The following COL25A1 variants were observed in gnomAD, a reference collection of about 807,000 sequenced individuals.
COL25A1 encodes the protein collagen type XXV alpha 1 chain, also known as collagen alpha-1(XXV) chain.
In COL25A1, 103 loss-of-function variants were observed where a neutral mutation model predicts 128.4. That is an observed-to-expected ratio of 0.80 (90% CI 0.68 to 0.94). The LOEUF (loss-of-function observed/expected upper bound fraction) is 0.94, where lower values mean the gene tolerates loss of function less well. Ranked by LOEUF, COL25A1 falls within the 40% of genes least tolerant of loss-of-function variation. COL25A1 has a pLI of 0.00. For synonymous variants in COL25A1, 279 were observed against 277.2 expected (o/e 1.01, Z -0.06); for missense variants, 745 against 840.0 (o/e 0.89, Z 1.40).
intron 3 of COL25A1, among the ~76,000 whole-genome samples, chr4:109,099,629 AAAAG>A (rs1765713022): frequency 6.6e-6 from 1 of 151,546 alleles, no homozygotes; most frequent in South Asian, 2.1e-4. Flanking sequence ...TATAAAAAAA[AAAAG>A]AAAAATAAAT....
rs189477395 is a variant in COL25A1 at position 109,193,140 on chromosome 4, G to A, written c.367+107443C>T. Among the ~76,000 whole-genome samples the A allele has an allele frequency of 1.3e-3, 199 of 152,262 alleles. 2 individuals carry two copies. The highest frequency in any genetic ancestry group is 2.1e-4 in the Non-Finnish European group (14 of 68,022). On this transcript the variant is annotated intron_variant, in intron 3 of 37. Coordinates refer to ENST00000399132, the MANE Select transcript of COL25A1 (RefSeq NM_198721.4). ...ATGGACAGATGTAAGCAATTTAGAAGAGGATTAATTCAAAGCAATCGGCTA... is the reference window on the plus strand; with the variant it reads ...ATGGACAGATGTAAGCAATTTAGAAAAGGATTAATTCAAAGCAATCGGCTA...
intron 8 of COL25A1, chr4:108,942,374 G>A (rs776801895): frequency 4.6e-5 from 46 of 994,306 alleles, no homozygotes; most frequent in Admixed American, 1.1e-4. Flanking sequence ...CCCTTTCCTG[G>A]GACTTAGAAG....
chr4:108,838,856 GC>G (rs151228147), intron 31 of COL25A1, among the ~76,000 whole-genome samples: 1,648 of 152,216 alleles, frequency 0.011, 31 homozygotes, highest in African/African-American at 0.038. Context: ...CATTATAAAA[GC>G]CACGGTAAAT....
At chr4:109,201,051 A>G (rs1776519020) in intron 3 of COL25A1, among the ~76,000 whole-genome samples, 1 of 152,168 alleles carries the variant, frequency 6.6e-6, no homozygotes, top group Admixed American at 6.5e-5. Context: ...TTCTTCATTG[A>G]TATTCTCAAC....
chr4:109,271,900 C>A (rs779462857), intron 3 of COL25A1, among the ~76,000 whole-genome samples: 35 of 152,086 alleles, frequency 2.3e-4, no homozygotes, highest in Non-Finnish European at 5.0e-4. Context: ...TCAGTAAATT[C>A]TCATTCAACT....
At chr4:108,900,794 A>C (rs1742744262) in intron 14 of COL25A1, among the ~76,000 whole-genome samples, 1 of 152,114 alleles carries the variant, frequency 6.6e-6, no homozygotes, top group South Asian at 2.1e-4. Context: ...TATGGACATG[A>C]CCTATGTTTT....
chr4:108,863,185 G>A (rs1363180219), intron 21 of COL25A1, 134 bp downstream of exon 21: 2 of 817,376 alleles, frequency 2.4e-6, no homozygotes, highest in Non-Finnish European at 2.0e-6. Flanking sequence ...AAAAGAACCA[G>A]TTGGTGTGCA....
At chr4:108,941,981 T>A (rs1267223436) in intron 8 of COL25A1, among the ~76,000 whole-genome samples, 2 of 152,210 alleles carry the variant, frequency 1.3e-5, no homozygotes, top group African/African-American at 4.8e-5. Context: ...TATGCCCACC[T>A]CTGTTCACAG....
chr4:108,839,178 C>T (rs974828510), intron 31 of COL25A1, among the ~76,000 whole-genome samples: 2 of 152,096 alleles, frequency 1.3e-5, no homozygotes, highest in African/African-American at 4.8e-5. Context: ...GCTTGTTAAA[C>T]ATAAAGAGTT....
At chr4:109,136,148 A>G (rs1350908729) in intron 3 of COL25A1, among the ~76,000 whole-genome samples, 8 of 152,184 alleles carry the variant, frequency 5.3e-5, no homozygotes, top group Admixed American at 5.2e-4. Flanking sequence ...CTGTAATCCT[A>G]GCACTTTGGG....
In COL25A1 at chr4:109,239,394, G is replaced by GTA. The variant is rs144842941; in HGVS notation, c.367+61187_367+61188dup. Among the ~76,000 whole-genome samples, 425 of 116,510 alleles carry GTA rather than the reference G, an allele frequency of 3.6e-3. 1 individual carries two copies. The highest frequency in any genetic ancestry group is 0.013 in the Middle Eastern group (3 of 230). 76.4% of individuals were successfully genotyped at this position (116,510 alleles called of 152,430 possible). ...TGTGTGTATGTGTGTGTGTGTGTGT[G>GTA]TATATATATATATATATATATATAT... On this transcript the variant is annotated intron_variant, in intron 3 of 37. Transcript: ENST00000399132.
chr4:109,017,945 T>C (rs1166484030), intron 5 of COL25A1, among the ~76,000 whole-genome samples: 4 of 152,232 alleles, frequency 2.6e-5, no homozygotes, highest in Non-Finnish European at 5.9e-5. Context: ...TCTTGAATTG[T>C]TGGATTCCTT....
chr4:109,156,991 A>G (rs1224275676), intron 3 of COL25A1, among the ~76,000 whole-genome samples: 1 of 152,156 alleles, frequency 6.6e-6, no homozygotes, highest in Non-Finnish European at 1.5e-5. Flanking sequence ...TTCATTTTCA[A>G]CCTCAGCTTG....
At chr4:109,244,944 C>T (rs1780160386) in intron 3 of COL25A1, among the ~76,000 whole-genome samples, 1 of 151,950 alleles carries the variant, frequency 6.6e-6, no homozygotes, top group South Asian at 2.1e-4. Context: ...TTCAAATAGC[C>T]ATAAACTAAA....
At chr4:109,297,507 G>A (rs185759795) in intron 3 of COL25A1, among the ~76,000 whole-genome samples, 1 of 152,144 alleles carries the variant, frequency 6.6e-6, no homozygotes, top group East Asian at 1.9e-4. Context: ...TAATTTAGGA[G>A]ACTTATATAA....
At chr4:109,079,939 A>AG (rs1217854051) in intron 3 of COL25A1, among the ~76,000 whole-genome samples, 1 of 152,086 alleles carries the variant, frequency 6.6e-6, no homozygotes, top group African/African-American at 2.4e-5. Flanking sequence ...GGAAACAGGA[A>AG]GTGAGTCAAT....
At chr4:109,125,215 T>C (rs532170658) in intron 3 of COL25A1, among the ~76,000 whole-genome samples, 8 of 152,280 alleles carry the variant, frequency 5.3e-5, no homozygotes, top group East Asian at 1.9e-4. Context: ...AGGTAGTAGA[T>C]GGCTATCCCT....
chr4:108,887,831 G>T (rs2125841871), intron 18 of COL25A1, among the ~76,000 whole-genome samples: 1 of 152,090 alleles, frequency 6.6e-6, no homozygotes, highest in African/African-American at 2.4e-5. Flanking sequence ...ATTTTTTAGA[G>T]ACACAACTGT....
chr4:109,052,313 A>C (rs1312233220), intron 3 of COL25A1, among the ~76,000 whole-genome samples: 10 of 152,228 alleles, frequency 6.6e-5, no homozygotes. Context: ...CAGAAGGTTT[A>C]AAGAAATGAA....
Sources: gnomAD v4.1 joint callset for allele counts (sites outside exome capture counted in the v4.1 genomes callset) on GRCh38, gnomAD v4.1.1 for gene constraint, MANE v1.5 for transcripts, NCBI Gene and HGNC (gene_info 2026-07-23, HGNC 2026-07-21) for gene names.